The following PCYOX1 variants were observed in gnomAD, a reference collection of about 807,000 sequenced individuals.
PCYOX1 encodes prenylcysteine lyase.
PCYOX1 carries 46 observed loss-of-function variants against 46.4 expected under a neutral mutation model. The ratio of observed to expected loss-of-function variants is 0.99; its 90% confidence interval spans 0.78 to 1.27. The LOEUF is 1.27. Ranked by LOEUF, PCYOX1 falls within the 50% of genes most tolerant of loss-of-function variation. PCYOX1 has a pLI of 0.00. For missense variants in PCYOX1, 658 were observed against 628.3 expected, an observed-to-expected ratio of 1.05 and a Z score of -0.51; for synonymous variants, 220 against 231.8, an observed-to-expected ratio of 0.95 and a Z score of 0.46.
At chr2:70,258,104 G>A (rs1696370479), upstream of PCYOX1, 1 of 1,371,620 alleles carries the variant, frequency 7.3e-7, no homozygotes, top group Non-Finnish European at 9.9e-7. Context: ...GGAGCGCGCA[G>A]CCGCGCAGCG....
At chr2:70,258,522 GCGGGC>G in intron 1 of PCYOX1, 1 of 372,116 alleles carries the variant, frequency 2.7e-6, no homozygotes, top group Non-Finnish European at 4.8e-6. Context: ...GGGGACAGGG[GCGGGC>G]GGGCAGGCAG....
rs1476018231 is a variant in PCYOX1 at position 70,278,012 on chromosome 2, C to T, written c.*620C>T. ...TGCCTGACTCTTAGTAATTTCATAC[C>T]GGTTTGAAGTACGTGTGCCCATGCC... On this transcript the variant is annotated 3_prime_UTR_variant, in exon 6 of 6. Transcript: ENST00000433351. 2.0e-5 allele frequency: 3 copies of T among 152,048 alleles called. No homozygotes were observed. Among genetic ancestry groups the T allele is most frequent in the African/African-American group, 4.8e-5 (2 of 41,366 alleles). 9.4% of individuals were successfully genotyped at this position (152,048 alleles called of 1,614,324 possible).
chr2:70,258,068 T>G (rs1385738865), upstream of PCYOX1: 2 of 968,496 alleles, frequency 2.1e-6, no homozygotes, highest in Non-Finnish European at 2.9e-6. Flanking sequence ...TCGCAGGGGC[T>G]GGGCGGCCTG....
chr2:70,261,358 G>T lies in PCYOX1; in HGVS notation c.466G>T (p.Val156Leu). Residue 156 changes from valine to leucine, a missense_variant, in exon 3 of 6, where the codon GTA (valine) becomes TTA (leucine). Physicochemically the swap from Val to Leu is conservative, Grantham distance 32. Coordinates refer to ENST00000433351, the MANE Select transcript of PCYOX1 (RefSeq NM_016297.4). ...GFQSLRMHMW[V>L]EDVLDKFMRI... ...TCAATCCCTCCGTATGCACATGTGG[G>T]TAGAGGACGTGTTAGACAAGTTCAT... 6.2e-7 allele frequency: 1 copy of T among 1,612,732 alleles called. No individual in the cohort carries two copies. Among genetic ancestry groups the T allele is most frequent in the Non-Finnish European group, 8.5e-7 (1 of 1,178,766 alleles).
At chr2:70,259,882 C>A (rs1696412398) in intron 2 of PCYOX1, among the ~76,000 whole-genome samples, 1 of 152,076 alleles carries the variant, frequency 6.6e-6, no homozygotes, top group African/African-American at 2.4e-5. Context: ...ATGGTGCGAT[C>A]TTGGCTCACT....
intron 3 of PCYOX1, among the ~76,000 whole-genome samples, chr2:70,261,684 C>T (rs1392898011): frequency 1.3e-5 from 2 of 152,170 alleles, no homozygotes; most frequent in African/African-American, 4.8e-5. Flanking sequence ...CTGTTTTTAG[C>T]TTCTTTAAAC....
Position 70,277,490 on chromosome 2 carries a change from C to A in PCYOX1, c.*98C>A. 4.0e-6 allele frequency: 4 copies of A among 1,010,962 alleles called. No individual in the cohort carries two copies. The highest frequency in any genetic ancestry group is 2.4e-5 in the East Asian group (1 of 41,544). 62.6% of individuals were successfully genotyped at this position (1,010,962 alleles called of 1,614,324 possible). ...AGATGATTTTGAACCAGATATTTTGCCATTATCATTGTTTAATAAAAGTAA... is the reference window on the plus strand; with the variant it reads ...AGATGATTTTGAACCAGATATTTTGACATTATCATTGTTTAATAAAAGTAA... On this transcript the variant is annotated 3_prime_UTR_variant, in exon 6 of 6. Transcript: ENST00000433351.
rs938829854 is a variant in PCYOX1, at chr2:70,278,250, T to A, written c.*858T>A. On this transcript the variant is annotated 3_prime_UTR_variant, in exon 6 of 6. Transcript: ENST00000433351. ...TTTTAAAAATACTGAGACCCCCCCA[T>A]AACCAGAGATTCAGATTCAAAGACT... 2 of 152,656 alleles carry A rather than the reference T, an allele frequency of 1.3e-5. No homozygotes were observed. The highest frequency in any genetic ancestry group is 2.9e-5 in the Non-Finnish European group (2 of 68,044). The allele number at this position is 152,656 out of a possible 1,614,324, so 9.5% of individuals were successfully genotyped here. A position where few individuals can be genotyped will look rare whatever the true frequency, so the allele number is the denominator to read the frequency against.
chr2:70,258,426 C>T, intron 1 of PCYOX1, 150 bp downstream of exon 1: 3 of 509,250 alleles, frequency 5.9e-6, no homozygotes, highest in Non-Finnish European at 1.0e-5. Flanking sequence ...CCCATTCACA[C>T]TTCAGGGCGG....
intron 3 of PCYOX1, among the ~76,000 whole-genome samples, chr2:70,262,012 G>T (rs184709241): frequency 2.0e-5 from 3 of 151,968 alleles, no homozygotes; most frequent in African/African-American, 4.8e-5. Flanking sequence ...CCTCTTTTTC[G>T]TCCTTATGCT....
chr2:70,270,430 C>T (rs1225804276), intron 3 of PCYOX1, among the ~76,000 whole-genome samples: 4 of 152,174 alleles, frequency 2.6e-5, no homozygotes, highest in Non-Finnish European at 5.9e-5. Flanking sequence ...TCCAGAGGTC[C>T]TTCCTCTGCC....
chr2:70,275,932 C>G (rs1262291404), intron 5 of PCYOX1, among the ~76,000 whole-genome samples: 1 of 151,764 alleles, frequency 6.6e-6, no homozygotes, highest in Non-Finnish European at 1.5e-5. Flanking sequence ...AACCCTGTCT[C>G]TACTAAAAAT....
At chr2:70,269,725 A>AT (rs1030803457) in intron 3 of PCYOX1, among the ~76,000 whole-genome samples, 29 of 150,108 alleles carry the variant, frequency 1.9e-4, no homozygotes, top group African/African-American at 5.6e-4. Flanking sequence ...ATTGCCACAG[A>AT]TTTTTTTTTT....
In PCYOX1 at chr2:70,259,548, C is replaced by G; in HGVS notation, c.301C>G (p.Arg101Gly). 1 of 1,613,564 alleles carries G rather than the reference C, an allele frequency of 6.2e-7. No homozygotes were observed. The highest frequency in any genetic ancestry group is 8.5e-7 in the Non-Finnish European group (1 of 1,179,626). The change falls in exon 2 of 6, where the codon CGT becomes GGT. Residue 101 changes from arginine (R) to glycine (G), a missense_variant. By Grantham distance (125) the Arg-to-Gly change is moderately radical. Transcript: ENST00000433351. ...CCATCCTTTAAATCTGCACATGAAA[C>G]GTTTTGTCAAAGACCTGGGTATGTA... ...VIHPLNLHMKRFVKDLGLSAV... is the reference protein window; with the variant it reads ...VIHPLNLHMKGFVKDLGLSAV...
chr2:70,276,238 C>T (rs905380275), intron 5 of PCYOX1, among the ~76,000 whole-genome samples: 1 of 150,986 alleles, frequency 6.6e-6, no homozygotes, highest in African/African-American at 2.4e-5. Flanking sequence ...TGGCCTATCT[C>T]GGCTCACTGC....
intron 3 of PCYOX1, among the ~76,000 whole-genome samples, chr2:70,263,348 G>A (rs774013366): frequency 9.9e-5 from 15 of 151,924 alleles, no homozygotes; most frequent in Non-Finnish European, 1.8e-4. Flanking sequence ...TGCCTTTCCC[G>A]TGGGTACCTT....
chr2:70,269,938 A>G (rs551479019), intron 3 of PCYOX1, among the ~76,000 whole-genome samples: 3 of 151,984 alleles, frequency 2.0e-5, no homozygotes, highest in African/African-American at 7.3e-5. Flanking sequence ...CTAGTTTCAC[A>G]TTGCAGTTGG....
chr2:70,258,135 T>C (rs977551893), upstream of PCYOX1: 1 of 1,551,812 alleles, frequency 6.4e-7, no homozygotes, highest in East Asian at 2.4e-5. Context: ...TGCGGGGCTC[T>C]TGAGGCCAGC....
rs780154180 is a variant in PCYOX1, at chr2:70,259,460, C to G, written c.213C>G (p.Val71=). Residue 71 remains valine (V), a synonymous_variant, in exon 2 of 6, where the codon GTC becomes GTG. Transcript: ENST00000433351. Reference sequence around the variant, plus strand: ...TAGACCTGTTTGAAAGAGAAGAGGTCGGGGGCCGCCTGGCTACCATGATGG... The same window carrying G: ...TAGACCTGTTTGAAAGAGAAGAGGTGGGGGGCCGCCTGGCTACCATGATGG... ...VKIDLFEREE[V]GGRLATMMVQ... is the part of the protein sequence containing the mutation. 2.5e-6 allele frequency: 4 copies of G among 1,613,946 alleles called. No homozygotes were observed. In the Admixed American group the frequency reaches 6.7e-5, roughly 27 times the overall value.
Sources: gnomAD v4.1 joint callset for allele counts (sites outside exome capture counted in the v4.1 genomes callset) on GRCh38, gnomAD v4.1.1 for gene constraint, MANE v1.5 for transcripts, NCBI Gene and HGNC (gene_info 2026-07-23, HGNC 2026-07-21) for gene names.